Variants in SGMS2 observed in about 807,000 individuals in gnomAD.
The protein encoded by SGMS2 is sphingomyelin synthase 2, also known as phosphatidylcholine:ceramide cholinephosphotransferase 2.
A neutral mutation model predicts 43.8 loss-of-function variants in SGMS2; 21 were observed. That is an observed-to-expected ratio of 0.48 (90% CI 0.34 to 0.69). The LOEUF is 0.69. Ranked by LOEUF, SGMS2 falls within the 30% of genes least tolerant of loss-of-function variation. SGMS2 has a pLI of 0.01. For synonymous variants in SGMS2, 167 were observed against 160.6 expected (o/e 1.04, Z -0.30); for missense variants, 384 against 443.2 (o/e 0.87, Z 1.20).
At chr4:107,888,322 A>G (rs1220660982) in intron 2 of SGMS2, among the ~76,000 whole-genome samples, 1 of 152,200 alleles carries the variant, frequency 6.6e-6, no homozygotes, top group Non-Finnish European at 1.5e-5. Flanking sequence ...CATGGATGCA[A>G]TAACCTTAAT....
intron 2 of SGMS2, chr4:107,867,534 C>T (rs1728216673): frequency 6.6e-6 from 1 of 152,106 alleles, no homozygotes; most frequent in Non-Finnish European, 1.5e-5. Flanking sequence ...ACGCTTTTCC[C>T]AAAGAGGGGT....
In SGMS2 at chr4:107,864,868, T is replaced by C. The variant is rs1023792770; in HGVS notation, c.-245+6315T>C. Among the ~76,000 whole-genome samples, 5 of 152,188 alleles carry C rather than the reference T, an allele frequency of 3.3e-5. No homozygotes were observed. In the East Asian group the frequency reaches 9.6e-4, roughly 29 times the overall value. ...GTCTTATGCCTTGAATAACTTCCTA[T>C]AAGTGTATGTTGGTTTGGGGAAAAT... On this transcript the variant is annotated intron_variant, in intron 2 of 6. Transcript: ENST00000690982.
At chr4:107,861,313 A>G (rs888444359) in intron 2 of SGMS2, among the ~76,000 whole-genome samples, 1 of 152,216 alleles carries the variant, frequency 6.6e-6, no homozygotes, top group Non-Finnish European at 1.5e-5. Context: ...TCATGAGGTT[A>G]AATCCTCAGT....
chr4:107,837,677 G>A (rs1726268760), intron 1 of SGMS2, among the ~76,000 whole-genome samples: 2 of 152,168 alleles, frequency 1.3e-5, no homozygotes, highest in African/African-American at 2.4e-5. Context: ...CTGCTGGGCA[G>A]AGAGTGGAGT....
At chr4:107,836,811 T>G (rs1224216124) in intron 1 of SGMS2, among the ~76,000 whole-genome samples, 1 of 152,056 alleles carries the variant, frequency 6.6e-6, no homozygotes, top group Non-Finnish European at 1.5e-5. Context: ...ACACATATGA[T>G]TAGAATGTAA....
In SGMS2 at chr4:107,895,832, A is replaced by G; in HGVS notation, c.279A>G (p.Thr93=). Residue 93 remains threonine (T), a synonymous_variant, in exon 3 of 7, where the codon ACA becomes ACG. Transcript: ENST00000690982. ...ATGCAGTTTTCAACCTCGTCTTGACAACCGTCATGATCACAGTTGTACATG... is the reference window on the plus strand; with the variant it reads ...ATGCAGTTTTCAACCTCGTCTTGACGACCGTCATGATCACAGTTGTACATG... ...FIYAVFNLVL[T]TVMITVVHER... 6.2e-7 allele frequency: 1 copy of G among 1,613,992 alleles called. No individual in the cohort carries two copies. The highest frequency in any genetic ancestry group is 8.5e-7 in the Non-Finnish European group (1 of 1,179,936).
At position 107,914,107 on chromosome 4, in the gene SGMS2, T is replaced by A. The variant is rs1215677173; in HGVS notation, c.*3554T>A. 6.6e-6 allele frequency: 1 copy of A among 152,078 alleles called. No individual in the cohort carries two copies. Among genetic ancestry groups the A allele is most frequent in the African/African-American group, 2.4e-5 (1 of 41,438 alleles). 9.4% of individuals were successfully genotyped at this position (152,078 alleles called of 1,614,324 possible). A position where few individuals can be genotyped will look rare whatever the true frequency, so the allele number is the denominator to read the frequency against. On this transcript the variant is annotated 3_prime_UTR_variant, in exon 7 of 7. Coordinates refer to ENST00000690982, the MANE Select transcript of SGMS2 (RefSeq NM_001375905.1). ...AAAGATTTTTAGTATTTGTTTTTAG[T>A]GTCCTTGTGTTGCAATAATTTAACT... is the stretch of plus-strand genomic sequence containing the variant.
chr4:107,877,351 A>G (rs1375191566), intron 2 of SGMS2, among the ~76,000 whole-genome samples: 4 of 152,196 alleles, frequency 2.6e-5, no homozygotes, highest in Non-Finnish European at 5.9e-5. Flanking sequence ...TAGGTAATCT[A>G]TGCAGCCTCC....
At chr4:107,901,757 T>C (rs926308528) in intron 4 of SGMS2, among the ~76,000 whole-genome samples, 5 of 152,232 alleles carry the variant, frequency 3.3e-5, no homozygotes, top group African/African-American at 1.2e-4. Flanking sequence ...ATAAAAGGAT[T>C]ATGTGAAATG....
intron 1 of SGMS2, among the ~76,000 whole-genome samples, chr4:107,828,546 G>T (rs1409298301): frequency 2.0e-5 from 3 of 152,056 alleles, no homozygotes; most frequent in Admixed American, 2.0e-4. Context: ...CTGTTTTGTG[G>T]CTGTGTCTCA....
chr4:107,905,974 T>C (rs1731525384), intron 5 of SGMS2, among the ~76,000 whole-genome samples: 1 of 152,226 alleles, frequency 6.6e-6, no homozygotes, highest in Non-Finnish European at 1.5e-5. Context: ...AATATTTGAT[T>C]AGAAATAGAG....
At chr4:107,839,088 A>G (rs1726357006) in intron 1 of SGMS2, among the ~76,000 whole-genome samples, 1 of 152,156 alleles carries the variant, frequency 6.6e-6, no homozygotes, top group African/African-American at 2.4e-5. Context: ...TGGGAGTCAT[A>G]TATGAAAACC....
intron 1 of SGMS2, among the ~76,000 whole-genome samples, chr4:107,825,679 C>T (rs1652095005): frequency 6.8e-6 from 1 of 148,040 alleles, no homozygotes; most frequent in Non-Finnish European, 1.5e-5. Context: ...CAGTAACAGC[C>T]CAGCTCTGGG....
intron 1 of SGMS2, among the ~76,000 whole-genome samples, chr4:107,852,344 A>C (rs1026838980): frequency 2.0e-5 from 3 of 151,866 alleles, no homozygotes; most frequent in African/African-American, 4.8e-5. Flanking sequence ...CCCAAGTCAT[A>C]ATAATTTTTT....
At chr4:107,866,696 A>G (rs1728151434) in intron 2 of SGMS2, among the ~76,000 whole-genome samples, 3 of 152,196 alleles carry the variant, frequency 2.0e-5, no homozygotes, top group Admixed American at 6.5e-5. Context: ...TTCTTTATCA[A>G]TAAATTACCT....
At position 107,840,703 on chromosome 4, in the gene SGMS2, A is replaced by G. The variant is rs189507353; in HGVS notation, c.-327+15450A>G. Reference sequence around the variant, plus strand: ...TATTATTGTAAAAACTCTGAAAATCATACTAAAATTTTTATAATTTAATGA... The same window carrying G: ...TATTATTGTAAAAACTCTGAAAATCGTACTAAAATTTTTATAATTTAATGA... On this transcript the variant is annotated intron_variant, in intron 1 of 6. Coordinates refer to ENST00000690982, the MANE Select transcript of SGMS2 (RefSeq NM_001375905.1). Among the ~76,000 whole-genome samples the G allele has an allele frequency of 5.7e-3, 866 of 152,356 alleles. 8 individuals carry two copies. The highest frequency in any genetic ancestry group is 0.02 in the African/African-American group (830 of 41,584).
chr4:107,845,574 C>T (rs866455791), intron 1 of SGMS2, among the ~76,000 whole-genome samples: 1 of 152,146 alleles, frequency 6.6e-6, no homozygotes, highest in African/African-American at 2.4e-5. Context: ...ACAAGAGAAA[C>T]CTGGCTTGTA....
At chr4:107,891,712 G>T (rs1211395353) in intron 2 of SGMS2, among the ~76,000 whole-genome samples, 3 of 152,118 alleles carry the variant, frequency 2.0e-5, no homozygotes, top group Non-Finnish European at 4.4e-5. Flanking sequence ...GATTTACATA[G>T]GGCATGAAAG....
intron 1 of SGMS2, among the ~76,000 whole-genome samples, chr4:107,855,260 C>G (rs755951957): frequency 1.3e-5 from 2 of 151,928 alleles, no homozygotes; most frequent in Non-Finnish European, 2.9e-5. Flanking sequence ...TTGTTCTTTT[C>G]TAGTTCCTTG....
Sources: gnomAD v4.1 joint callset for allele counts (sites outside exome capture counted in the v4.1 genomes callset) on GRCh38, gnomAD v4.1.1 for gene constraint, MANE v1.5 for transcripts, NCBI Gene and HGNC (gene_info 2026-07-23, HGNC 2026-07-21) for gene names.